CCDC92: variants seen among roughly 807,000 people sequenced by gnomAD.
CCDC92 encodes coiled-coil domain-containing protein 92.
CCDC92 carries 12 observed loss-of-function variants against 24.9 expected under a neutral mutation model. The ratio of observed to expected loss-of-function variants is 0.48; its 90% CI spans 0.31 to 0.78. CCDC92 has a LOEUF of 0.78. CCDC92 is among the 30% of genes least tolerant of loss of function. The pLI is 0.05. For missense variants in CCDC92, 399 were observed against 439.4 expected (o/e 0.91, Z 0.82); for synonymous variants, 193 against 196.3 (o/e 0.98, Z 0.14).
chr12:123,945,664 T>C (rs1457761041), intron 1 of CCDC92: 1 of 152,114 alleles, frequency 6.6e-6, no homozygotes, highest in Non-Finnish European at 1.5e-5. Context: ...CACTCAGCAA[T>C]CCGGAGTCGT....
At chr12:123,956,866 C>T (rs1301405948) in intron 1 of CCDC92, among the ~76,000 whole-genome samples, 1 of 152,150 alleles carries the variant, frequency 6.6e-6, no homozygotes, top group Non-Finnish European at 1.5e-5. Context: ...TATTTATCAG[C>T]TGTGGGAGGA....
intron 1 of CCDC92, chr12:123,966,681 G>A (rs1207668761): frequency 6.6e-6 from 1 of 152,220 alleles, no homozygotes; most frequent in African/African-American, 2.4e-5. Context: ...TCTAAACACA[G>A]GAATGGCTAA....
chr12:123,959,453 C>T (rs764789092), intron 1 of CCDC92, among the ~76,000 whole-genome samples: 7 of 152,064 alleles, frequency 4.6e-5, no homozygotes, highest in Non-Finnish European at 1.0e-4. Flanking sequence ...TACCAGTGTG[C>T]ACCACCACGC....
At position 123,937,089 on chromosome 12, in the gene CCDC92, C is replaced by T. The variant is rs776071974; in HGVS notation, c.965G>A (p.Arg322Lys). Residue 322 changes from arginine (R) to lysine (K), a missense_variant, in exon 5 of 5, where the codon AGG becomes AAG. Arg to Lys is a conservative substitution (Grantham distance 26). Transcript: ENST00000238156. The surrounding 1 kb of genome is among the most constrained non-coding windows in gnomAD (Gnocchi z 8.4). ...AGTTCTGTCCGTCCCTGAGTGCTTC[C>T]TCACCACCTTGCCTCCGTTCACCTG... ...VDQVNGGKVV[R>K]KHSGTDRTV 6.2e-7 allele frequency: 1 copy of T among 1,614,008 alleles called. No individual in the cohort carries two copies. The highest frequency in any genetic ancestry group is 8.5e-7 in the Non-Finnish European group (1 of 1,180,034).
intron 1 of CCDC92, among the ~76,000 whole-genome samples, chr12:123,958,613 C>T (rs1005676697): frequency 6.6e-6 from 1 of 152,212 alleles, no homozygotes; most frequent in African/African-American, 2.4e-5. Flanking sequence ...CATTCTGGAA[C>T]GTTTGGCCCA....
At chr12:123,950,026 T>TA (rs1358692647) in intron 1 of CCDC92, among the ~76,000 whole-genome samples, 1 of 152,192 alleles carries the variant, frequency 6.6e-6, no homozygotes, top group Non-Finnish European at 1.5e-5. Flanking sequence ...TCACGTTACT[T>TA]ACATCATTTG....
intron 4 of CCDC92, among the ~76,000 whole-genome samples, chr12:123,941,686 C>A (rs1188924218): frequency 6.6e-6 from 1 of 152,248 alleles, no homozygotes; most frequent in Non-Finnish European, 1.5e-5. Flanking sequence ...GGCACGCCTG[C>A]GCAGGGCTGA....
chr12:123,942,709 CCTA>C, intron 4 of CCDC92, 32 bp downstream of exon 4: 1 of 1,554,466 alleles, frequency 6.4e-7, no homozygotes, highest in Non-Finnish European at 8.9e-7. Flanking sequence ...CAAAGGGAAA[CCTA>C]CTGTCATTTA....
intron 1 of CCDC92, among the ~76,000 whole-genome samples, chr12:123,953,776 T>TCAAAAC (rs200600814): frequency 6.7e-6 from 1 of 149,086 alleles, no homozygotes; most frequent in Non-Finnish European, 1.5e-5. Flanking sequence ...AGACTCCGTC[T>TCAAAAC]CAAAAACAAA....
At chr12:123,970,395 A>C (rs1366538976) in intron 1 of CCDC92, 1 of 152,236 alleles carries the variant, frequency 6.6e-6, no homozygotes, top group African/African-American at 2.4e-5. Flanking sequence ...CTTCATATAG[A>C]AGTGAAATCT....
intron 1 of CCDC92, chr12:123,945,807 G>C (rs576737273): frequency 4.3e-4 from 65 of 152,354 alleles, no homozygotes; most frequent in African/African-American, 1.4e-3. Context: ...TTGGCTGATG[G>C]AAGAAGCAGA....
chr12:123,949,608 T>G (rs1955972181), intron 1 of CCDC92, among the ~76,000 whole-genome samples: 1 of 152,234 alleles, frequency 6.6e-6, no homozygotes, highest in Non-Finnish European at 1.5e-5. Flanking sequence ...TCCTGCTGAA[T>G]AGGTTACCTT....
chr12:123,945,165 A>G (rs976978037), intron 1 of CCDC92: 2 of 152,204 alleles, frequency 1.3e-5, no homozygotes, highest in Non-Finnish European at 2.9e-5. Context: ...GTTTCTATAA[A>G]ACAAAGCATA....
chr12:123,957,731 G>C (rs1469816985), intron 1 of CCDC92, among the ~76,000 whole-genome samples: 3 of 144,278 alleles, frequency 2.1e-5, no homozygotes, highest in Admixed American at 2.1e-4. Flanking sequence ...TTTGAGATGG[G>C]GGGGTCTCGC....
chr12:123,952,979 C>T (rs1046877606), intron 1 of CCDC92, among the ~76,000 whole-genome samples: 5 of 152,130 alleles, frequency 3.3e-5, no homozygotes, highest in African/African-American at 4.8e-5. Context: ...GAGTCCTCAC[C>T]TTTCTCTTCT....
At chr12:123,943,624 G>T in intron 2 of CCDC92, 131 bp from the exon 3 acceptor site, 2 of 957,192 alleles carry the variant, frequency 2.1e-6, no homozygotes, top group Non-Finnish European at 1.6e-6. Flanking sequence ...CTCCTGAAGG[G>T]CAGGGTGTGG....
chr12:123,955,327 G>A (rs1956124952), intron 1 of CCDC92, among the ~76,000 whole-genome samples: 1 of 152,212 alleles, frequency 6.6e-6, no homozygotes, highest in South Asian at 2.1e-4. Context: ...TTCCACCTCA[G>A]ATTGAGATTA....
Position 123,937,521 on chromosome 12 carries a change from G to C in CCDC92, c.533C>G (p.Ala178Gly), listed in dbSNP as rs898908164. The change falls in exon 5 of 5, where the codon GCC (alanine) becomes GGC (glycine). Residue 178 changes from alanine to glycine, a missense_variant. Transcript: ENST00000238156. This position sits in a 1 kb window ranked among gnomAD's most constrained non-coding sequence, Gnocchi z 8.4. Reference sequence around the variant, plus strand: ...CAGCACGGGGCTCCCTGACGGGCTGGCATCTGAGGTCCCGCTGGAGCTCAT... The same window carrying C: ...CAGCACGGGGCTCCCTGACGGGCTGCCATCTGAGGTCCCGCTGGAGCTCAT... Reference protein sequence around the residue: ...KLMSSSGTSDASPSGSPVLAS... With the variant: ...KLMSSSGTSDGSPSGSPVLAS... 3 of 1,612,276 alleles carry C rather than the reference G, an allele frequency of 1.9e-6. No homozygotes were observed. Among genetic ancestry groups the C allele is most frequent in the Non-Finnish European group, 2.5e-6 (3 of 1,180,008 alleles).
intron 1 of CCDC92, among the ~76,000 whole-genome samples, chr12:123,951,055 AC>A (rs1424577281): frequency 6.6e-6 from 1 of 152,002 alleles, no homozygotes; most frequent in African/African-American, 2.4e-5. Context: ...GCCTTTGCAC[AC>A]CTTGTTCCCT....
Sources: gnomAD v4.1 joint callset for allele counts (sites outside exome capture counted in the v4.1 genomes callset) on GRCh38, gnomAD v4.1.1 for gene constraint, Gnocchi (gnomAD v3.1) non-coding constraint, MANE v1.5 for transcripts, NCBI Gene and HGNC (gene_info 2026-07-23, HGNC 2026-07-21) for gene names.